NTM: variants seen among roughly 807,000 people sequenced by gnomAD.
NTM encodes IgLON family member 2.
Under a neutral mutation model 42.1 loss-of-function variants are expected in NTM, and 13 were observed. That is an observed-to-expected ratio of 0.31 (90% confidence interval 0.20 to 0.49). NTM has a LOEUF of 0.49. Ranked by LOEUF, NTM falls within the 20% of genes least tolerant of loss-of-function variation. The pLI is 0.99. For synonymous variants in NTM, 187 were observed against 179.2 expected, an observed-to-expected ratio of 1.04 and a Z score of -0.35; for missense variants, 373 against 452.8, an observed-to-expected ratio of 0.82 and a Z score of 1.60.
intron 3 of NTM, among the ~76,000 whole-genome samples, chr11:132,188,667 G>A (rs1027763389): frequency 2.0e-5 from 3 of 152,196 alleles, no homozygotes; most frequent in African/African-American, 7.2e-5. Context: ...TATGTGCAAT[G>A]TTGTTGCAAA....
Position 131,665,965 on chromosome 11 carries a change from G to A in NTM, c.83-245599G>A, listed in dbSNP as rs112888786. On this transcript the variant is annotated intron_variant, in intron 1 of 8. Coordinates refer to ENST00000683400, the MANE Select transcript of NTM (RefSeq NM_001352005.2). ...AATATTTTAAGACACGCATTGCTCA[G>A]TATCCAGTTTTGCTGACTCAATTTC... Among the ~76,000 whole-genome samples, 1,504 of 152,308 alleles carry A rather than the reference G, an allele frequency of 9.9e-3. 28 individuals carry two copies. Among genetic ancestry groups the A allele is most frequent in the African/African-American group, 0.034 (1,413 of 41,560 alleles).
chr11:132,330,347 C>T (rs1281282156), intron 8 of NTM, among the ~76,000 whole-genome samples, 162 bp downstream of exon 8: 1 of 152,170 alleles, frequency 6.6e-6, no homozygotes, highest in Non-Finnish European at 1.5e-5. Flanking sequence ...TTAGATTAAC[C>T]CCATCCTCAA....
At chr11:131,792,129 T>C (rs1228364903) in intron 1 of NTM, among the ~76,000 whole-genome samples, 1 of 152,088 alleles carries the variant, frequency 6.6e-6, no homozygotes, top group Admixed American at 6.5e-5. Context: ...ACAATTTTAA[T>C]ACAGTGGAAA....
chr11:132,164,120 G>A (rs1241173378), intron 3 of NTM, among the ~76,000 whole-genome samples: 2 of 152,216 alleles, frequency 1.3e-5, no homozygotes, highest in South Asian at 2.1e-4. Flanking sequence ...TTATGTGTGT[G>A]AGGGAACAAA....
At chr11:131,747,526 C>A (rs574601461) in intron 1 of NTM, among the ~76,000 whole-genome samples, 45 of 152,294 alleles carry the variant, frequency 3.0e-4, no homozygotes, top group Non-Finnish European at 5.6e-4. Flanking sequence ...CTTCGTTGTT[C>A]TCCTTCCATA....
At chr11:132,139,793 A>C (rs1408989836) in intron 2 of NTM, among the ~76,000 whole-genome samples, 1 of 152,086 alleles carries the variant, frequency 6.6e-6, no homozygotes, top group East Asian at 1.9e-4. Context: ...ATCTCTCGGG[A>C]GTTTGTGAAA....
At chr11:131,724,097 G>A (rs2078680659) in intron 1 of NTM, among the ~76,000 whole-genome samples, 1 of 152,106 alleles carries the variant, frequency 6.6e-6, no homozygotes. Context: ...CAAAAACCAG[G>A]GCTGTAATTA....
chr11:131,910,748 C>A, intron 1 of NTM: 1 of 817,660 alleles, frequency 1.2e-6, no homozygotes. Flanking sequence ...GCGGTCCGCT[C>A]CCGCCGCCCG....
rs1305247404 is a variant in NTM at position 131,649,565 on chromosome 11, A to G, written c.83-261999A>G. 3.3e-5 allele frequency among the ~76,000 whole-genome samples: 5 copies of G among 152,182 alleles called. No individual in the cohort carries two copies. The East Asian group carries it at 7.7e-4, about 23-fold the overall frequency. ...ACTCATTACAAGATAACAAGATTCT[A>G]TCTATTCTCCGAGGTCACACTAGAG... is the stretch of plus-strand genomic sequence containing the variant. On this transcript the variant is annotated intron_variant, in intron 1 of 8. Transcript: ENST00000683400.
At chr11:131,504,902 C>CTCAGAATCCACAATATGTTGATTCTTT (rs1213638721) in intron 1 of NTM, among the ~76,000 whole-genome samples, 4 of 152,276 alleles carry the variant, frequency 2.6e-5, no homozygotes, top group African/African-American at 9.6e-5. Flanking sequence ...GCGGTCATGT[C>CTCAGAATCCACAATATGTTGATTCTTT]TCAGAATCCA....
chr11:131,916,402 A>T (rs1161190432), intron 2 of NTM, among the ~76,000 whole-genome samples: 3 of 152,204 alleles, frequency 2.0e-5, no homozygotes, highest in African/African-American at 7.2e-5. Flanking sequence ...TGGGTATCAG[A>T]GGCTGAACGC....
chr11:132,335,328 A>G lies in NTM; in HGVS notation c.*182A>G, dbSNP rs2095864419. 2 of 671,952 alleles carry G rather than the reference A, an allele frequency of 3.0e-6. No homozygotes were observed. The highest frequency in any genetic ancestry group is 4.9e-6 in the Non-Finnish European group (2 of 410,620). 41.6% of individuals were successfully genotyped at this position (671,952 alleles called of 1,614,324 possible). A position where few individuals can be genotyped will look rare whatever the true frequency, so the allele number is the denominator to read the frequency against. On this transcript the variant is annotated 3_prime_UTR_variant, in exon 9 of 9. Transcript: ENST00000683400. ...AATACTTTGGGGGGAAAAAAGTTTT[A>G]AAAAAGAAATTGAAAATTGCCTTGC... is the stretch of plus-strand genomic sequence containing the variant.
intron 1 of NTM, among the ~76,000 whole-genome samples, chr11:131,744,202 G>A (rs1221670130): frequency 6.6e-6 from 1 of 152,144 alleles, no homozygotes; most frequent in African/African-American, 2.4e-5. Flanking sequence ...ATTTGTTAGT[G>A]TTTGTAAAGT....
At chr11:132,247,470 A>G (rs2091344058) in intron 4 of NTM, among the ~76,000 whole-genome samples, 2 of 152,218 alleles carry the variant, frequency 1.3e-5, no homozygotes, top group Admixed American at 1.3e-4. Flanking sequence ...GAAAACTTAG[A>G]TACTTTTGCT....
chr11:132,093,703 T>C (rs2060630115), intron 2 of NTM, among the ~76,000 whole-genome samples: 1 of 152,222 alleles, frequency 6.6e-6, no homozygotes, highest in African/African-American at 2.4e-5. Flanking sequence ...TTGGGCACTG[T>C]TTACTTGTCT....
intron 1 of NTM, among the ~76,000 whole-genome samples, chr11:131,850,705 G>A (rs1030909298): frequency 1.3e-5 from 2 of 152,178 alleles, no homozygotes; most frequent in African/African-American, 2.4e-5. Flanking sequence ...GGGAGGTGAC[G>A]ACAAGGTCAC....
At chr11:132,239,299 G>A (rs1326809416) in intron 4 of NTM, among the ~76,000 whole-genome samples, 1 of 152,186 alleles carries the variant, frequency 6.6e-6, no homozygotes, top group African/African-American at 2.4e-5. Flanking sequence ...TATGCCACTG[G>A]TGAGTTTCCC....
At chr11:132,037,030 T>C (rs1376565372) in intron 2 of NTM, among the ~76,000 whole-genome samples, 3 of 152,156 alleles carry the variant, frequency 2.0e-5, no homozygotes, top group Non-Finnish European at 4.4e-5. Flanking sequence ...TAGGAGTCAG[T>C]TTCCTTCTCC....
chr11:131,698,071 T>A (rs1484783754), intron 1 of NTM, among the ~76,000 whole-genome samples: 1 of 152,188 alleles, frequency 6.6e-6, no homozygotes, highest in Non-Finnish European at 1.5e-5. Flanking sequence ...AGCTGCTTCA[T>A]CCAGAGCTCA....
Sources: gnomAD v4.1 joint callset for allele counts (sites outside exome capture counted in the v4.1 genomes callset) on GRCh38, gnomAD v4.1.1 for gene constraint, MANE v1.5 for transcripts, NCBI Gene and HGNC (gene_info 2026-07-23, HGNC 2026-07-21) for gene names.